The following IGF2BP3 variants were observed in gnomAD, a reference collection of about 807,000 sequenced individuals.
IGF2BP3 encodes insulin like growth factor 2 mRNA binding protein 3.
In IGF2BP3, 9 loss-of-function variants were observed where a neutral mutation model predicts 73.8. The observed-to-expected ratio is 0.12, with a 90% CI of 0.07 to 0.21. The LOEUF (loss-of-function observed/expected upper bound fraction) is 0.21, where lower values mean the gene tolerates loss of function less well. IGF2BP3 is among the 10% of genes least tolerant of loss of function. IGF2BP3 has a pLI of 1.00. For missense variants in IGF2BP3, 542 were observed against 714.0 expected (o/e 0.76, Z 2.75); for synonymous variants, 258 against 256.7 (o/e 1.01, Z -0.05).
chr7:23,449,007 G>A (rs1222846896), intron 2 of IGF2BP3, among the ~76,000 whole-genome samples: 2 of 152,060 alleles, frequency 1.3e-5, no homozygotes, highest in African/African-American at 2.4e-5. Flanking sequence ...GATTACAAGC[G>A]TGAGACATCA....
Position 23,427,973 on chromosome 7 carries a change from T to C in IGF2BP3, c.237-9149A>G, listed in dbSNP as rs1054727739. Among the ~76,000 whole-genome samples the C allele has an allele frequency of 2.0e-5, 3 of 151,658 alleles. No homozygotes were observed. The South Asian group carries it at 6.3e-4, about 32-fold the overall frequency. ...GTGAGCTGAGATCGCACCACTGCAC[T>C]CCAGCCTGGGTGACAGGGCGAGACA... is the stretch of plus-strand genomic sequence containing the variant. On this transcript the variant is annotated intron_variant, in intron 2 of 14. Transcript: ENST00000258729.
chr7:23,318,376 C>T (rs985108871), intron 11 of IGF2BP3, among the ~76,000 whole-genome samples: 2 of 152,100 alleles, frequency 1.3e-5, no homozygotes, highest in African/African-American at 2.4e-5. Flanking sequence ...GTGTGTGCCA[C>T]CATGCCTGGC....
At chr7:23,384,037 A>G (rs933767094) in intron 3 of IGF2BP3, among the ~76,000 whole-genome samples, 3 of 146,214 alleles carry the variant, frequency 2.1e-5, no homozygotes, top group Non-Finnish European at 4.5e-5. Context: ...AAGAGGTTGC[A>G]GTGAGCCGAG....
At chr7:23,458,280 A>C (rs1788366361) in intron 2 of IGF2BP3, among the ~76,000 whole-genome samples, 1 of 152,080 alleles carries the variant, frequency 6.6e-6, no homozygotes, top group Non-Finnish European at 1.5e-5. Flanking sequence ...GCCCAGATCT[A>C]GACCTCATAT....
rs201231566 is a variant in IGF2BP3, at chr7:23,448,631, T to TTGTC, written c.236+19850_236+19851insGACA. Among the ~76,000 whole-genome samples the TTGTC allele has an allele frequency of 6.2e-3, 942 of 151,932 alleles. 8 individuals are homozygous for TTGTC. The highest frequency in any genetic ancestry group is 0.022 in the African/African-American group (911 of 41,466). On this transcript the variant is annotated intron_variant, in intron 2 of 14. Coordinates refer to ENST00000258729, the MANE Select transcript of IGF2BP3 (RefSeq NM_006547.3). ...TTGCCCAGGCTGTTTGTTTGTTTGT[T>TTGTC]TGTTTGTTTGTTTTTTTGAGGCAGA...
At chr7:23,347,399 CCT>C (rs1481027161) in intron 7 of IGF2BP3, among the ~76,000 whole-genome samples, 199 bp downstream of exon 7, 1 of 152,118 alleles carries the variant, frequency 6.6e-6, no homozygotes, top group African/African-American at 2.4e-5. Flanking sequence ...TCACCACTCG[CCT>C]ATGTTCAAAT....
intron 3 of IGF2BP3, among the ~76,000 whole-genome samples, chr7:23,372,322 C>T (rs533478105): frequency 1.3e-5 from 2 of 152,110 alleles, no homozygotes; most frequent in Non-Finnish European, 2.9e-5. Flanking sequence ...ATCTGCCCCC[C>T]CTGGCCTCCC....
chr7:23,375,960 C>T (rs1447077814), intron 3 of IGF2BP3, among the ~76,000 whole-genome samples: 1 of 152,198 alleles, frequency 6.6e-6, no homozygotes, highest in Non-Finnish European at 1.5e-5. Flanking sequence ...AAAACTCAAT[C>T]TCTCACTACC....
chr7:23,415,555 C>T (rs1787166169), intron 3 of IGF2BP3: 1 of 271,422 alleles, frequency 3.7e-6, no homozygotes. Context: ...ACCGCATCCG[C>T]AGGTCCCTGT....
chr7:23,405,714 A>T (rs1786806657), intron 3 of IGF2BP3, among the ~76,000 whole-genome samples: 1 of 152,174 alleles, frequency 6.6e-6, no homozygotes, highest in South Asian at 2.1e-4. Flanking sequence ...CCAATGCCTG[A>T]TGATCTGAGG....
At chr7:23,404,922 A>G (rs752223467) in intron 3 of IGF2BP3, 2 of 152,194 alleles carry the variant, frequency 1.3e-5, no homozygotes, top group South Asian at 4.1e-4. Flanking sequence ...TTAACCTTGT[A>G]TATTTTGTTC....
chr7:23,361,400 T>C (rs1305237398), intron 5 of IGF2BP3, 134 bp downstream of exon 5: 3 of 649,376 alleles, frequency 4.6e-6, no homozygotes, highest in East Asian at 2.7e-5. Context: ...AAAGGCACGA[T>C]TACAGGGTCA....
At chr7:23,372,782 TA>T (rs1785597629) in intron 3 of IGF2BP3, among the ~76,000 whole-genome samples, 2 of 152,218 alleles carry the variant, frequency 1.3e-5, no homozygotes, top group Non-Finnish European at 1.5e-5. Flanking sequence ...TCAGGGCTGC[TA>T]ACATTTGAGT....
intron 10 of IGF2BP3, among the ~76,000 whole-genome samples, chr7:23,320,723 G>A (rs939607133): frequency 6.6e-6 from 1 of 151,006 alleles, no homozygotes; most frequent in African/African-American, 2.4e-5. Flanking sequence ...CAAGGTGGGT[G>A]GACTGCTTGA....
chr7:23,331,312 G>A (rs895047196), intron 10 of IGF2BP3, among the ~76,000 whole-genome samples: 3 of 152,152 alleles, frequency 2.0e-5, no homozygotes, highest in African/African-American at 4.8e-5. Flanking sequence ...AGGCACAGAA[G>A]TTTATGTTTA....
chr7:23,466,630 A>T lies in IGF2BP3; in HGVS notation c.236+1852T>A, dbSNP rs373254096. ...AAAGAGGAACTCCTGTTTATTATAA[A>T]GTAACAAGTAACTAAGTATATATAT... On this transcript the variant is annotated intron_variant, in intron 2 of 14. Coordinates refer to ENST00000258729, the MANE Select transcript of IGF2BP3 (RefSeq NM_006547.3). Among the ~76,000 whole-genome samples, 7 of 152,230 alleles carry T rather than the reference A, an allele frequency of 4.6e-5. No individual in the cohort carries two copies. In the East Asian group the frequency reaches 9.6e-4, roughly 21 times the overall value.
intron 3 of IGF2BP3, among the ~76,000 whole-genome samples, chr7:23,408,722 G>A (rs1786924284): frequency 6.6e-6 from 1 of 152,092 alleles, no homozygotes. Context: ...CAAAAGAATT[G>A]AAAGCAGAGT....
chr7:23,357,871 G>C lies in IGF2BP3; in HGVS notation c.401+3663C>G, dbSNP rs531593062. Among the ~76,000 whole-genome samples, 17 of 151,982 alleles carry C rather than the reference G, an allele frequency of 1.1e-4. No homozygotes were observed. In the South Asian group the frequency reaches 3.6e-3, roughly 32 times the overall value. On this transcript the variant is annotated intron_variant, in intron 5 of 14. Coordinates refer to ENST00000258729, the MANE Select transcript of IGF2BP3 (RefSeq NM_006547.3). Reference sequence around the variant, plus strand: ...AGCCGTATTTGAGGACTCTTCTTAAGTGACATTCATAGAGCTTTAACTAAC... The same window carrying C: ...AGCCGTATTTGAGGACTCTTCTTAACTGACATTCATAGAGCTTTAACTAAC...
At chr7:23,368,906 A>T (rs1377405223) in intron 3 of IGF2BP3, among the ~76,000 whole-genome samples, 1 of 152,084 alleles carries the variant, frequency 6.6e-6, no homozygotes, top group African/African-American at 2.4e-5. Flanking sequence ...TCAAAAAAAA[A>T]AGAAAAAAAA....
Sources: allele counts gnomAD v4.1 joint callset (sites outside exome capture counted in the v4.1 genomes callset), GRCh38; gene constraint gnomAD v4.1.1; transcripts MANE v1.5; gene names NCBI Gene and HGNC (gene_info 2026-07-23, HGNC 2026-07-21).